PECR: variants seen among roughly 807,000 people sequenced by gnomAD.
The protein encoded by PECR is 2,4-dienoyl-CoA reductase-related protein.
PECR carries 30 observed loss-of-function variants against 35.3 expected under a neutral mutation model. The ratio of observed to expected loss-of-function variants is 0.85; its 90% confidence interval spans 0.64 to 1.15. The LOEUF (loss-of-function observed/expected upper bound fraction) is 1.15. PECR is among the 50% of genes most tolerant of loss of function. The probability of loss-of-function intolerance (pLI) is 0.00; values close to 1 mark genes in which losing one functional copy is unlikely to be tolerated. For missense variants in PECR, 392 were observed against 370.8 expected (o/e 1.06, Z -0.47); for synonymous variants, 148 against 138.9 (o/e 1.07, Z -0.46).
In PECR at chr2:216,066,420, T is replaced by G; in HGVS notation, c.223A>C (p.Ile75Leu). Residue 75 changes from isoleucine to leucine, a missense_variant, in exon 2 of 8, where the codon ATT (isoleucine) becomes CTT (leucine). Ile to Leu is a conservative substitution (Grantham distance 5). Coordinates refer to ENST00000265322, the MANE Select transcript of PECR (RefSeq NM_018441.6). ...NLPPTKQARV[I>L]PIQCNIRNEE... ...TTCCGGATGTTGCATTGTATGGGAA[T>G]GACTCGTGCCTGCTTTGTGGGAGGT... The G allele has an allele frequency of 6.2e-7, 1 of 1,613,624 alleles. No homozygotes were observed. Among genetic ancestry groups the G allele is most frequent in the Non-Finnish European group, 8.5e-7 (1 of 1,179,486 alleles).
At chr2:216,067,766 AG>A (rs2034931056) in intron 1 of PECR, among the ~76,000 whole-genome samples, 1 of 151,912 alleles carries the variant, frequency 6.6e-6, no homozygotes, top group Admixed American at 6.6e-5. Flanking sequence ...CATGTTGGCC[AG>A]GGTGGTCCCA....
chr2:216,061,744 T>G (rs138348381), intron 3 of PECR, among the ~76,000 whole-genome samples: 36 of 152,234 alleles, frequency 2.4e-4, no homozygotes, highest in African/African-American at 7.2e-4. Flanking sequence ...ATACATGAAT[T>G]TGAAAACATC....
At chr2:216,081,552 C>G in intron 1 of PECR, 66 bp downstream of exon 1, 1 of 1,603,884 alleles carries the variant, frequency 6.2e-7, no homozygotes, top group Non-Finnish European at 8.5e-7. Flanking sequence ...GAGCTCCTGG[C>G]TCCCGTCTCC....
chr2:216,051,618 T>G lies in PECR; in HGVS notation c.507-73A>C. The G allele has an allele frequency of 3.2e-6, 3 of 929,492 alleles. No homozygotes were observed. In the South Asian group the frequency reaches 3.9e-5, roughly 12 times the overall value. The allele number at this position is 929,492 out of a possible 1,614,324, so 57.6% of individuals were successfully genotyped here. On this transcript the variant is annotated intron_variant, in intron 4 of 7. Coordinates refer to ENST00000265322, the MANE Select transcript of PECR (RefSeq NM_018441.6). ...TTCTCTTGTTCATCAAGCTCACAAG[T>G]GTGCCAACTACCTGACAGAATTCCA...
chr2:216,034,508 A>G (rs1021688459), downstream of PECR, among the ~76,000 whole-genome samples: 1 of 152,050 alleles, frequency 6.6e-6, no homozygotes, highest in Non-Finnish European at 1.5e-5. Context: ...GCAGTCTGTG[A>G]TATTTTTTTT....
In PECR at chr2:216,051,468, C is replaced by A; in HGVS notation, c.584G>T (p.Arg195Leu). Residue 195 changes from arginine (R) to leucine (L), a missense_variant, in exon 5 of 8, where the codon CGG becomes CTG. Coordinates refer to ENST00000265322, the MANE Select transcript of PECR (RefSeq NM_018441.6). Reference protein sequence around the residue: ...LALEWACSGIRINCVAPGVIY... With the variant: ...LALEWACSGILINCVAPGVIY... ...ACCTACAGGGGCAACACAATTGATC[C>A]GTATTCCACTGCAGGCCCATTCCAA... 1.2e-6 allele frequency: 2 copies of A among 1,605,864 alleles called. No homozygotes were observed. The highest frequency in any genetic ancestry group is 1.7e-6 in the Non-Finnish European group (2 of 1,172,526).
intron 7 of PECR, among the ~76,000 whole-genome samples, chr2:216,031,691 G>GAAAGAAAGAA (rs1473248845): frequency 7.7e-4 from 47 of 61,160 alleles, no homozygotes; most frequent in African/African-American, 1.6e-3. Context: ...AAGAAAGAAA[G>GAAAGAAAGAA]AGAAAGAAAG....
intron 4 of PECR, among the ~76,000 whole-genome samples, chr2:216,051,886 G>A (rs576404031): frequency 3.9e-5 from 6 of 152,050 alleles, no homozygotes; most frequent in Admixed American, 2.6e-4. Context: ...TTTTAACATC[G>A]ATTTTAAATA....
downstream of PECR, among the ~76,000 whole-genome samples, chr2:216,035,102 A>G (rs138290449): frequency 2.9e-3 from 448 of 152,304 alleles, 2 homozygotes; most frequent in African/African-American, 0.01. Context: ...CTCCAGATGT[A>G]ATTGCTCCTC....
In PECR at chr2:216,053,060, G is replaced by A. The variant is rs529010621; in HGVS notation, c.507-1515C>T. On this transcript the variant is annotated intron_variant, in intron 4 of 7. Transcript: ENST00000265322. ...GTAGAGATGGGGTTTCAGCATGTTG[G>A]CCAGGCTGGTCTCAAACTCCTGACC... Among the ~76,000 whole-genome samples the A allele has an allele frequency of 2.0e-5, 3 of 152,044 alleles. 1 individual carries two copies. Among genetic ancestry groups the A allele is most frequent in the African/African-American group, 7.2e-5 (3 of 41,456 alleles).
chr2:216,073,724 TTG>T (rs1303634415), intron 1 of PECR, among the ~76,000 whole-genome samples: 1 of 152,208 alleles, frequency 6.6e-6, no homozygotes, highest in Non-Finnish European at 1.5e-5. Flanking sequence ...ATATTTACCT[TTG>T]TGTTACTATT....
chr2:216,037,750 C>T (rs933059031), downstream of PECR, among the ~76,000 whole-genome samples: 6 of 152,038 alleles, frequency 3.9e-5, no homozygotes, highest in African/African-American at 7.2e-5. Flanking sequence ...GATTCTGGGT[C>T]CCAAACCCCA....
chr2:216,058,871 A>C, intron 4 of PECR, 24 bp downstream of exon 4: 1 of 1,377,028 alleles, frequency 7.3e-7, no homozygotes, highest in Non-Finnish European at 1.0e-6. Flanking sequence ...AGACTTAGAA[A>C]GAAAACTATA....
intron 4 of PECR, among the ~76,000 whole-genome samples, chr2:216,055,715 C>T (rs1695213740): frequency 6.6e-6 from 1 of 152,100 alleles, no homozygotes; most frequent in Admixed American, 6.6e-5. Flanking sequence ...GATGCACAGC[C>T]CCAGAGCCCC....
intron 7 of PECR, chr2:216,032,942 G>GA (rs1694732739): frequency 6.6e-6 from 1 of 152,176 alleles, no homozygotes; most frequent in Admixed American, 6.5e-5. Flanking sequence ...ACCAGGTCTT[G>GA]AATCCTAAGA....
chr2:216,043,857 C>T (rs762137328), intron 7 of PECR, 47 bp downstream of exon 7: 3 of 989,098 alleles, frequency 3.0e-6, no homozygotes, highest in African/African-American at 3.2e-5. Context: ...AACCCCTGAA[C>T]ATGACACAGC....
At chr2:216,038,245 C>T (rs760200969), downstream of PECR, among the ~76,000 whole-genome samples, 2 of 152,176 alleles carry the variant, frequency 1.3e-5, no homozygotes, top group Non-Finnish European at 2.9e-5. Context: ...AACTATCAGA[C>T]TGGAGCCACG....
chr2:216,043,029 A>ATG lies in PECR; in HGVS notation c.826+874_826+875insCA, dbSNP rs1323496747. 9.8e-5 allele frequency among the ~76,000 whole-genome samples: 13 copies of ATG among 132,716 alleles called. 1 individual carries two copies. Among genetic ancestry groups the ATG allele is most frequent in the Non-Finnish European group, 8.2e-5 (5 of 61,076 alleles). The allele number at this position is 132,716 out of a possible 152,430, so 87.1% of individuals were successfully genotyped here. ...TGTATATATATATACACATACGTAT[A>ATG]TATGTATGTGTATATATATATACAC... On this transcript the variant is annotated intron_variant, in intron 7 of 7. Coordinates refer to ENST00000265322, the MANE Select transcript of PECR (RefSeq NM_018441.6).
intron 1 of PECR, among the ~76,000 whole-genome samples, chr2:216,081,362 T>C (rs1438184359): frequency 1.3e-5 from 2 of 152,222 alleles, no homozygotes; most frequent in African/African-American, 4.8e-5. Context: ...GTTTCACTGC[T>C]CTTCTTACTG....
Sources: allele counts gnomAD v4.1 joint callset (sites outside exome capture counted in the v4.1 genomes callset), GRCh38; gene constraint gnomAD v4.1.1; transcripts MANE v1.5; gene names NCBI Gene and HGNC (gene_info 2026-07-23, HGNC 2026-07-21).